ATP13A4: variants seen among roughly 807,000 people sequenced by gnomAD.
The protein encoded by ATP13A4 is probable cation-transporting ATPase 13A4.
Under a neutral mutation model 142.5 loss-of-function variants are expected in ATP13A4, and 114 were observed. The observed-to-expected ratio is 0.80, with a 90% CI of 0.69 to 0.93. The LOEUF (loss-of-function observed/expected upper bound fraction) is 0.93. ATP13A4 is among the 40% of genes least tolerant of loss of function. The pLI, the probability that ATP13A4 is intolerant of heterozygous loss-of-function variation, is 0.00. For missense variants in ATP13A4, 1,392 were observed against 1,454.0 expected, an observed-to-expected ratio of 0.96 and a Z score of 0.69; for synonymous variants, 488 against 514.8, an observed-to-expected ratio of 0.95 and a Z score of 0.70.
chr3:193,468,878 T>G (rs1485532503), intron 9 of ATP13A4, among the ~76,000 whole-genome samples: 1 of 152,252 alleles, frequency 6.6e-6, no homozygotes, highest in African/African-American at 2.4e-5. Flanking sequence ...GAAGGCAACA[T>G]TATTCCTCAA....
rs565136487 is a variant in ATP13A4 at position 193,493,104 on chromosome 3, C to G, written c.438G>C (p.Gln146His). ...IRYVWNYLEG[Q>H]FQKIGSLEDW... ...AAACAACTTACCCAATTTTCTGGAA[C>G]TGTCCTTCTAAGTAGTTCCAAACAT... Residue 146 changes from glutamine to histidine, a missense_variant, in exon 4 of 30, where the codon CAG (glutamine) becomes CAC (histidine). Gln to His is a conservative substitution (Grantham distance 24). Coordinates refer to ENST00000342695, the MANE Select transcript of ATP13A4 (RefSeq NM_032279.4). The G allele has an allele frequency of 6.2e-7, 1 of 1,613,352 alleles. No homozygotes were observed. Among genetic ancestry groups the G allele is most frequent in the Non-Finnish European group, 8.5e-7 (1 of 1,179,612 alleles).
At chr3:193,497,837 T>C (rs1057044355) in intron 3 of ATP13A4, among the ~76,000 whole-genome samples, 2 of 152,126 alleles carry the variant, frequency 1.3e-5, no homozygotes, top group Non-Finnish European at 2.9e-5. Context: ...TACTGTAGGA[T>C]CTTACTCATT....
At chr3:193,498,225 T>G (rs985640339) in intron 3 of ATP13A4, among the ~76,000 whole-genome samples, 6 of 151,316 alleles carry the variant, frequency 4.0e-5, no homozygotes, top group Admixed American at 1.3e-4. Flanking sequence ...AACAAAATTT[T>G]AAAAATCCTG....
At chr3:193,524,215 T>TG (rs754219001) in intron 1 of ATP13A4, among the ~76,000 whole-genome samples, 55 of 152,140 alleles carry the variant, frequency 3.6e-4, no homozygotes, top group Middle Eastern at 3.2e-3. Flanking sequence ...CCTGAAAGGG[T>TG]GGGGGTATGG....
In ATP13A4 at chr3:193,503,994, C is replaced by CGTGTGTGTGTGTGT. The variant is rs1491532980; in HGVS notation, c.235-1356_235-1355insACACACACACACAC. Among the ~76,000 whole-genome samples, 446 of 108,156 alleles carry CGTGTGTGTGTGTGT rather than the reference C, an allele frequency of 4.1e-3. 4 individuals are homozygous for CGTGTGTGTGTGTGT. The highest frequency in any genetic ancestry group is 0.015 in the African/African-American group (404 of 26,898). The allele number at this position is 108,156 out of a possible 152,430, so 71.0% of individuals were successfully genotyped here. On this transcript the variant is annotated intron_variant, in intron 2 of 29. Coordinates refer to ENST00000342695, the MANE Select transcript of ATP13A4 (RefSeq NM_032279.4). ...CCAGGCTTAGCACAGGTTCTGTGTGCATGTGTGTGTGTGTGTGTGTGTGTG... is the reference window on the plus strand; with the variant it reads ...CCAGGCTTAGCACAGGTTCTGTGTGCGTGTGTGTGTGTGTATGTGTGTGTGTGTGTGTGTGTGTG...
intron 15 of ATP13A4, 44 bp downstream of exon 15, chr3:193,457,335 C>A (rs1285748891): frequency 1.2e-6 from 2 of 1,605,734 alleles, no homozygotes; most frequent in Admixed American, 1.7e-5. Context: ...AAGAGTTTCT[C>A]TTTGAGTTTG....
At chr3:193,435,530 G>T in intron 24 of ATP13A4, 118 bp downstream of exon 24, 2 of 843,284 alleles carry the variant, frequency 2.4e-6, no homozygotes, top group Non-Finnish European at 4.1e-6. Flanking sequence ...TTTTTGGAGG[G>T]GCTGTTGTTG....
intron 1 of ATP13A4, among the ~76,000 whole-genome samples, chr3:193,589,935 AC>A (rs1178663767): frequency 6.8e-6 from 1 of 147,342 alleles, no homozygotes; most frequent in African/African-American, 2.5e-5. Flanking sequence ...TTACTTGCCT[AC>A]TTGCATACTT....
intron 26 of ATP13A4, 52 bp from the exon 27 acceptor site, chr3:193,412,423 G>T: frequency 6.5e-7 from 1 of 1,536,662 alleles, no homozygotes; most frequent in Non-Finnish European, 9.0e-7. Context: ...AGGCTTTATG[G>T]AGCATTTGTA....
intron 12 of ATP13A4, among the ~76,000 whole-genome samples, chr3:193,464,459 C>A (rs1056648124): frequency 6.6e-6 from 1 of 152,146 alleles, no homozygotes; most frequent in Non-Finnish European, 1.5e-5. Context: ...CAATAAAGTA[C>A]AGATGGGAAA....
intron 2 of ATP13A4, among the ~76,000 whole-genome samples, chr3:193,574,271 G>C (rs1394287520): frequency 6.6e-6 from 1 of 152,242 alleles, no homozygotes; most frequent in Non-Finnish European, 1.5e-5. Context: ...GGGAACACAA[G>C]CTTTCTGTTG....
intron 23 of ATP13A4, among the ~76,000 whole-genome samples, chr3:193,436,622 T>G (rs1716283928): frequency 6.6e-6 from 1 of 151,736 alleles, no homozygotes; most frequent in African/African-American, 2.4e-5. Flanking sequence ...TAATTTTTTT[T>G]TGTATTTTTA....
At chr3:193,407,517 T>G in intron 28 of ATP13A4, 124 bp from the exon 29 acceptor site, 1 of 683,596 alleles carries the variant, frequency 1.5e-6, no homozygotes, top group Non-Finnish European at 2.6e-6. Flanking sequence ...TGTGTGTATA[T>G]TACATATATC....
chr3:193,441,637 G>A (rs760019736), intron 19 of ATP13A4, 49 bp from the exon 20 acceptor site: 1 of 1,596,090 alleles, frequency 6.3e-7, no homozygotes, highest in South Asian at 1.1e-5. Flanking sequence ...TGACAGAGTG[G>A]TTAGAACCAT....
intron 1 of ATP13A4, among the ~76,000 whole-genome samples, chr3:193,519,063 GA>G (rs375990587): frequency 1.3e-5 from 2 of 151,936 alleles, no homozygotes; most frequent in Non-Finnish European, 2.9e-5. Flanking sequence ...CCCTCCACAA[GA>G]AAAAAATTAT....
At position 193,467,445 on chromosome 3, in the gene ATP13A4, C is replaced by T; in HGVS notation, c.985G>A (p.Asp329Asn). 1 of 1,613,912 alleles carries T rather than the reference C, an allele frequency of 6.2e-7. No homozygotes were observed. Among genetic ancestry groups the T allele is most frequent in the Non-Finnish European group, 8.5e-7 (1 of 1,179,994 alleles). Residue 329 changes from aspartate (D) to asparagine (N), a missense_variant, in exon 10 of 30, where the codon GAT (aspartate) becomes AAT (asparagine). Physicochemically the swap from Asp to Asn is conservative, Grantham distance 23 (BLOSUM62 1). Transcript: ENST00000342695. ...PVTKTPLPKM[D>N]SSVPWKTQSE... ...TGTGTTTTCCAGGGCACAGAGCTAT[C>T]CATCTTGGGTAACGGAGTTTTGGTG... is the stretch of plus-strand genomic sequence containing the variant.
intron 3 of ATP13A4, 96 bp from the exon 4 acceptor site, chr3:193,493,256 A>T (rs1037445802): frequency 9.8e-7 from 1 of 1,020,258 alleles, no homozygotes; most frequent in Non-Finnish European, 1.5e-6. Flanking sequence ...AAAAGCAAAG[A>T]TAAAACTCTA....
intron 8 of ATP13A4, 100 bp from the exon 9 acceptor site, chr3:193,471,093 C>CA (rs1553846728): frequency 6.6e-7 from 1 of 1,508,316 alleles, no homozygotes; most frequent in Non-Finnish European, 9.2e-7. Flanking sequence ...GCAACCAAGA[C>CA]ATTTTTTTTT....
chr3:193,492,831 C>A, intron 5 of ATP13A4, 86 bp downstream of exon 5: 1 of 961,552 alleles, frequency 1.0e-6, no homozygotes, highest in Admixed American at 1.8e-5. Context: ...GATATTAATC[C>A]ATTAAGATAA....
Sources: gnomAD v4.1 joint callset for allele counts (sites outside exome capture counted in the v4.1 genomes callset) on GRCh38, gnomAD v4.1.1 for gene constraint, MANE v1.5 for transcripts, NCBI Gene and HGNC (gene_info 2026-07-23, HGNC 2026-07-21) for gene names.